The following ADGRV1 variants were observed in gnomAD, a reference collection of about 807,000 sequenced individuals.
The protein encoded by ADGRV1 is G-protein coupled receptor 98.
ADGRV1 carries 359 observed loss-of-function variants against 596.2 expected under a neutral mutation model. The ratio of observed to expected loss-of-function variants is 0.60; its 90% CI spans 0.55 to 0.66. ADGRV1 has a LOEUF of 0.66. Ranked by LOEUF, ADGRV1 falls within the 30% of genes least tolerant of loss-of-function variation. The probability of loss-of-function intolerance (pLI) is 0.00; values close to 1 mark genes in which losing one functional copy is unlikely to be tolerated. For missense variants in ADGRV1, 7,274 were observed against 7,575.6 expected (o/e 0.96, Z 1.48); for synonymous variants, 2,681 against 2,679.2 (o/e 1.00, Z -0.02).
At chr5:91,081,033 A>G (rs1333761807) in intron 86 of ADGRV1, among the ~76,000 whole-genome samples, 1 of 152,130 alleles carries the variant, frequency 6.6e-6, no homozygotes, top group Non-Finnish European at 1.5e-5. Flanking sequence ...TGGGTGTCCT[A>G]AACAACAGAC....
chr5:91,094,413 C>A (rs552162029), intron 86 of ADGRV1, among the ~76,000 whole-genome samples: 1 of 149,776 alleles, frequency 6.7e-6, no homozygotes, highest in African/African-American at 2.5e-5. Flanking sequence ...GAGCAAAGAT[C>A]AGGCCACTGC....
At chr5:91,068,468 CA>C (rs112372907) in intron 85 of ADGRV1, among the ~76,000 whole-genome samples, 1,824 of 125,046 alleles carry the variant, frequency 0.015, 31 homozygotes, top group African/African-American at 0.046. Context: ...GACTCCATCT[CA>C]AAAAAAAAAA....
At chr5:90,972,687 G>C (rs1395129211) in intron 84 of ADGRV1, among the ~76,000 whole-genome samples, 3 of 151,856 alleles carry the variant, frequency 2.0e-5, no homozygotes, top group Admixed American at 2.0e-4. Flanking sequence ...AGAATCTCTG[G>C]GACACATTCA....
In ADGRV1 at chr5:90,805,440, A is replaced by G. The variant is rs926833104; in HGVS notation, c.14818A>G (p.Asn4940Asp). The G allele has an allele frequency of 6.3e-7, 1 of 1,590,484 alleles. No individual in the cohort carries two copies. ...LEIPEFIVVG[N>D]MTPTLGSLSF... The stretch of plus-strand genomic sequence containing the variant: ...AATTCCTGAATTCATTGTTGTTGGC[A>G]ACATGACCCCAACACTGGGTGAGTT... The change falls in exon 72 of 90, where the codon AAC (asparagine) becomes GAC (aspartate). Residue 4940 changes from asparagine to aspartate, a missense_variant. Physicochemically the swap from Asn to Asp is conservative, Grantham distance 23. Around this residue, in one of 5 missense-constraint regions of ADGRV1, gnomAD observed 1,874 missense variants for 1,970.2 expected, o/e 0.95. Transcript: ENST00000405460.
chr5:90,832,815 A>G (rs530891410), intron 77 of ADGRV1, among the ~76,000 whole-genome samples: 3 of 152,272 alleles, frequency 2.0e-5, no homozygotes, highest in South Asian at 4.1e-4. Context: ...TCCTCTGCAT[A>G]TGGATACCCA....
chr5:90,580,381 G>C (rs1249315901), intron 1 of ADGRV1, among the ~76,000 whole-genome samples: 1 of 152,120 alleles, frequency 6.6e-6, no homozygotes, highest in African/African-American at 2.4e-5. Context: ...ATAATATCCT[G>C]AAGAGTGTTT....
chr5:91,141,042 G>A (rs1378069772), intron 87 of ADGRV1, among the ~76,000 whole-genome samples: 1 of 152,136 alleles, frequency 6.6e-6, no homozygotes, highest in South Asian at 2.1e-4. Flanking sequence ...ATGTCCATAA[G>A]TGACACACAG....
intron 50 of ADGRV1, among the ~76,000 whole-genome samples, chr5:90,743,852 T>G (rs2149902975): frequency 6.6e-6 from 1 of 152,290 alleles, no homozygotes; most frequent in Admixed American, 6.5e-5. Context: ...TCATTTTTTC[T>G]CCCAGTTTTA....
intron 83 of ADGRV1, among the ~76,000 whole-genome samples, chr5:90,888,963 C>G (rs925623934): frequency 1.3e-5 from 2 of 152,070 alleles, no homozygotes; most frequent in Admixed American, 1.3e-4. Flanking sequence ...CATTAGCAAG[C>G]TAAATGCTGA....
At chr5:91,080,123 G>A (rs1047091311) in intron 86 of ADGRV1, among the ~76,000 whole-genome samples, 1 of 152,102 alleles carries the variant, frequency 6.6e-6, no homozygotes, top group Non-Finnish European at 1.5e-5. Context: ...CATAGAATGT[G>A]TAATGATCAT....
intron 85 of ADGRV1, among the ~76,000 whole-genome samples, chr5:91,043,650 G>A (rs1353603150): frequency 1.3e-5 from 2 of 152,104 alleles, no homozygotes; most frequent in Admixed American, 6.6e-5. Context: ...TTATTGTGAG[G>A]ATTAAATAAG....
chr5:90,987,578 A>G (rs1198484164), intron 85 of ADGRV1, among the ~76,000 whole-genome samples: 1 of 152,006 alleles, frequency 6.6e-6, no homozygotes, highest in Non-Finnish European at 1.5e-5. Flanking sequence ...TCCCATACGA[A>G]TTTATTCTAG....
chr5:90,973,630 G>C (rs904216118), intron 84 of ADGRV1, among the ~76,000 whole-genome samples: 1 of 152,102 alleles, frequency 6.6e-6, no homozygotes, highest in African/African-American at 2.4e-5. Context: ...ATGCAGAAAA[G>C]GCCTTTGACA....
intron 83 of ADGRV1, among the ~76,000 whole-genome samples, chr5:90,963,809 C>T (rs984448542): frequency 4.7e-5 from 7 of 149,978 alleles, no homozygotes; most frequent in African/African-American, 1.7e-4. Flanking sequence ...CAGGCAGGCA[C>T]AGGAAGGTAC....
In ADGRV1 at chr5:90,934,807, G is replaced by A. The variant is rs574238930; in HGVS notation, c.17857-30608G>A. Among the ~76,000 whole-genome samples, 62 of 152,280 alleles carry A rather than the reference G, an allele frequency of 4.1e-4. No homozygotes were observed. In the South Asian group the frequency reaches 0.012, roughly 31 times the overall value. On this transcript the variant is annotated intron_variant, in intron 83 of 89. Coordinates refer to ENST00000405460, the MANE Select transcript of ADGRV1 (RefSeq NM_032119.4). Reference sequence around the variant, plus strand: ...CTTACAAAGTAGATTTTATTCTGAGGCCTCTTCTCTTGGCTTTTAGGTGGC... The same window carrying A: ...CTTACAAAGTAGATTTTATTCTGAGACCTCTTCTCTTGGCTTTTAGGTGGC...
intron 82 of ADGRV1, among the ~76,000 whole-genome samples, chr5:90,861,223 A>T (rs1263863898): frequency 1.3e-5 from 2 of 151,698 alleles, no homozygotes; most frequent in African/African-American, 2.4e-5. Flanking sequence ...TCTGTTTTTT[A>T]AAAAAACTGT....
chr5:90,766,166 C>G (rs1231003315), intron 59 of ADGRV1, among the ~76,000 whole-genome samples: 1 of 152,142 alleles, frequency 6.6e-6, no homozygotes, highest in Non-Finnish European at 1.5e-5. Context: ...GCCTTGGCCT[C>G]CCAAAGTGCT....
chr5:90,916,744 T>C (rs1293350298), intron 83 of ADGRV1, among the ~76,000 whole-genome samples: 2 of 148,974 alleles, frequency 1.3e-5, no homozygotes, highest in Non-Finnish European at 3.0e-5. Context: ...GCCATTCTCC[T>C]GCCTCAGCCT....
intron 83 of ADGRV1, among the ~76,000 whole-genome samples, chr5:90,964,276 G>C (rs1778265662): frequency 6.6e-6 from 1 of 152,058 alleles, no homozygotes; most frequent in Admixed American, 6.5e-5. Flanking sequence ...TAAAAGTTAA[G>C]AGGTTTTAAG....
Sources: allele counts gnomAD v4.1 joint callset (sites outside exome capture counted in the v4.1 genomes callset), GRCh38; gene constraint gnomAD v4.1.1; regional missense constraint gnomAD v4.1.1; transcripts MANE v1.5; gene names NCBI Gene and HGNC (gene_info 2026-07-23, HGNC 2026-07-21).